The following TANGO6 variants were observed in gnomAD, a reference collection of about 807,000 sequenced individuals.
The protein encoded by TANGO6 is transport and golgi organization 6 homolog.
A neutral mutation model predicts 114.2 loss-of-function variants in TANGO6; 90 were observed. The observed-to-expected ratio is 0.79, with a 90% CI of 0.66 to 0.94. The LOEUF (loss-of-function observed/expected upper bound fraction) is 0.94, where lower values mean the gene tolerates loss of function less well. TANGO6 is among the 40% of genes least tolerant of loss of function. The pLI is 0.00. For synonymous variants in TANGO6, 477 were observed against 509.8 expected (o/e 0.94, Z 0.87); for missense variants, 1,274 against 1,315.3 (o/e 0.97, Z 0.49).
Position 69,004,601 on chromosome 16 carries a change from G to A in TANGO6, c.2843-18227G>A, listed in dbSNP as rs371911541. The stretch of plus-strand genomic sequence containing the variant: ...AAACTCCTGACCTTGTGATCCGCCC[G>A]CCTCAACCTCCCTAAGTGCTAGGAT... On this transcript the variant is annotated intron_variant, in intron 15 of 17. Coordinates refer to ENST00000261778, the MANE Select transcript of TANGO6 (RefSeq NM_024562.2). Among the ~76,000 whole-genome samples, 23 of 152,146 alleles carry A rather than the reference G, an allele frequency of 1.5e-4. 1 individual carries two copies. Among genetic ancestry groups the A allele is most frequent in the Admixed American group, 3.9e-4 (6 of 15,278 alleles).
intron 1 of TANGO6, chr16:68,846,745 TCCTC>T: frequency 6.4e-6 from 1 of 156,288 alleles, no homozygotes; most frequent in Admixed American, 6.5e-5. Context: ...GACTTCGTAA[TCCTC>T]CCGCCTCGGC....
intron 1 of TANGO6, among the ~76,000 whole-genome samples, chr16:68,853,802 A>G (rs1033808787): frequency 2.0e-5 from 3 of 152,156 alleles, no homozygotes; most frequent in Admixed American, 6.6e-5. Context: ...GGTAGTGTCA[A>G]TCTTTGTAAA....
At chr16:68,979,232 AT>A (rs924448596) in intron 15 of TANGO6, among the ~76,000 whole-genome samples, 216 of 144,164 alleles carry the variant, frequency 1.5e-3, no homozygotes, top group South Asian at 6.0e-3. Context: ...AAGTATATGA[AT>A]TTTTTTTTTT....
intron 14 of TANGO6, among the ~76,000 whole-genome samples, chr16:68,957,338 A>G (rs1206385621): frequency 6.6e-6 from 1 of 151,880 alleles, no homozygotes. Context: ...TTCCTTCTCC[A>G]TGTAATTATT....
At chr16:68,947,196 G>A (rs142566528) in intron 14 of TANGO6, among the ~76,000 whole-genome samples, 2,396 of 152,194 alleles carry the variant, frequency 0.016, 34 homozygotes, top group Middle Eastern at 0.041. Context: ...AGTGGCTCAC[G>A]CCTGTAATCC....
chr16:69,077,895 G>C (rs532337932), intron 17 of TANGO6, among the ~76,000 whole-genome samples: 1 of 152,156 alleles, frequency 6.6e-6, no homozygotes, highest in Non-Finnish European at 1.5e-5. Flanking sequence ...CATCTAGAGA[G>C]GAAAACCTTT....
At chr16:69,077,566 T>C (rs1239638699) in intron 17 of TANGO6, among the ~76,000 whole-genome samples, 1 of 152,228 alleles carries the variant, frequency 6.6e-6, no homozygotes, top group East Asian at 1.9e-4. Flanking sequence ...GGCTCACGCC[T>C]GTAATCCCAC....
chr16:68,995,599 T>TC (rs1963983616), intron 15 of TANGO6, among the ~76,000 whole-genome samples: 1 of 152,182 alleles, frequency 6.6e-6, no homozygotes, highest in Non-Finnish European at 1.5e-5. Flanking sequence ...GGGAATTTTT[T>TC]CTCCTCTCCA....
At position 69,083,715 on chromosome 16, in the gene TANGO6, G is replaced by A; in HGVS notation, c.*54G>A. 6.6e-7 allele frequency: 1 copy of A among 1,515,122 alleles called. No individual in the cohort carries two copies. The highest frequency in any genetic ancestry group is 2.5e-5 in the East Asian group (1 of 40,700). The allele number at this position is 1,515,122 out of a possible 1,614,324, so 93.9% of individuals were successfully genotyped here. ...GGCAGGGCCAGGCACCCAGAGCCGT[G>A]CCCAGGTCTTCCAGCAGGTGGCCCT... On this transcript the variant is annotated 3_prime_UTR_variant, in exon 18 of 18. Coordinates refer to ENST00000261778, the MANE Select transcript of TANGO6 (RefSeq NM_024562.2).
At chr16:68,983,065 G>C (rs531806296) in intron 15 of TANGO6, among the ~76,000 whole-genome samples, 7 of 151,702 alleles carry the variant, frequency 4.6e-5, no homozygotes, top group African/African-American at 1.7e-4. Flanking sequence ...ACCCAGACTG[G>C]TCTCAAACTC....
chr16:68,954,580 A>G (rs1429415585), intron 14 of TANGO6, among the ~76,000 whole-genome samples: 6 of 152,318 alleles, frequency 3.9e-5, no homozygotes, highest in Middle Eastern at 3.4e-3. Context: ...GTTTTATACC[A>G]CATTTCATGT....
chr16:68,873,614 G>A (rs999593459), intron 4 of TANGO6, among the ~76,000 whole-genome samples: 1 of 151,966 alleles, frequency 6.6e-6, no homozygotes, highest in South Asian at 2.1e-4. Context: ...GTGCCCAGCC[G>A]AGGTTTAGTC....
intron 14 of TANGO6, among the ~76,000 whole-genome samples, chr16:68,944,654 C>T (rs1963394519): frequency 6.6e-6 from 1 of 152,164 alleles, no homozygotes; most frequent in South Asian, 2.1e-4. Context: ...AGAGGGTGCT[C>T]AAAGGCCCTC....
rs1962892718 is a variant in TANGO6, at chr16:68,909,303, T to A, written c.1893T>A (p.Thr631=). 2.5e-6 allele frequency: 4 copies of A among 1,611,334 alleles called. No individual in the cohort carries two copies. The East Asian group carries it at 8.9e-5, about 36-fold the overall frequency. ...TCTTGGAATTAGAGCAACATCAGAC[T>A]CTTCTTGTGGAAGGCCAAGAGCGGA... is the stretch of plus-strand genomic sequence containing the variant. ...KSLLELEQHQ[T]LLVEGQERKL... Residue 631 remains threonine (T), a synonymous_variant, in exon 11 of 18, where the codon ACT becomes ACA. Coordinates refer to ENST00000261778, the MANE Select transcript of TANGO6 (RefSeq NM_024562.2).
chr16:69,027,051 T>C (rs1959513463), intron 16 of TANGO6, among the ~76,000 whole-genome samples: 3 of 152,096 alleles, frequency 2.0e-5, no homozygotes, highest in Admixed American at 2.0e-4. Flanking sequence ...TTAGTAGAGA[T>C]GGCATTTCGC....
chr16:68,947,523 C>T (rs1417408478), intron 14 of TANGO6, among the ~76,000 whole-genome samples: 1 of 150,254 alleles, frequency 6.7e-6, no homozygotes, highest in Non-Finnish European at 1.5e-5. Context: ...GCTTAATTAT[C>T]TAGAAAGCTT....
At chr16:68,900,270 A>G (rs1342137329) in intron 7 of TANGO6, 164 bp from the exon 8 acceptor site, 2 of 605,962 alleles carry the variant, frequency 3.3e-6, no homozygotes, top group East Asian at 2.8e-5. Flanking sequence ...GCCAAACTCA[A>G]ATTGTTTCAT....
At chr16:68,941,750 A>G (rs563356070) in intron 14 of TANGO6, among the ~76,000 whole-genome samples, 2 of 150,736 alleles carry the variant, frequency 1.3e-5, no homozygotes, top group African/African-American at 2.5e-5. Context: ...TCTCTGAGGG[A>G]AAAAAAAAGA....
chr16:68,866,653 C>T (rs1363348343), intron 3 of TANGO6, among the ~76,000 whole-genome samples: 1 of 143,900 alleles, frequency 6.9e-6, no homozygotes, highest in African/African-American at 2.6e-5. Flanking sequence ...AAAGTAATGT[C>T]TAGCTGGGCA....
Sources: gnomAD v4.1 joint callset for allele counts (sites outside exome capture counted in the v4.1 genomes callset) on GRCh38, gnomAD v4.1.1 for gene constraint, MANE v1.5 for transcripts, NCBI Gene and HGNC (gene_info 2026-07-23, HGNC 2026-07-21) for gene names.